Variants in HTT-AS observed in about 807,000 individuals in gnomAD.
The protein encoded by HTT-AS is HTT antisense RNA (head to head).
intron 1 of HTT-AS, among the ~76,000 whole-genome samples, chr4:3,069,438 G>A (rs76902612): frequency 0.093 from 14,064 of 151,872 alleles, 1,037 homozygotes; most frequent in African/African-American, 0.21. Flanking sequence ...TTACAGGTGT[G>A]AGCCATCGCG....
At chr4:3,072,781 C>A (rs539378701) in intron 1 of HTT-AS, among the ~76,000 whole-genome samples, 32 of 152,314 alleles carry the variant, frequency 2.1e-4, no homozygotes, top group Non-Finnish European at 4.4e-4. Flanking sequence ...GCATGCACCA[C>A]TACACCCGGC....
At chr4:3,052,485 T>C (rs1711722404) in intron 2 of HTT-AS, among the ~76,000 whole-genome samples, 1 of 152,162 alleles carries the variant, frequency 6.6e-6, no homozygotes, top group Non-Finnish European at 1.5e-5. Context: ...ACCCCAGAAA[T>C]TGGAAGTAGA....
intron 2 of HTT-AS, among the ~76,000 whole-genome samples, chr4:3,050,183 T>C (rs1412364991): frequency 2.0e-5 from 3 of 152,204 alleles, no homozygotes; most frequent in Non-Finnish European, 4.4e-5. Flanking sequence ...TTAATTAACA[T>C]TAGACTTCAG....
intron 2 of HTT-AS, among the ~76,000 whole-genome samples, chr4:3,056,806 G>A (rs1264735691): frequency 6.6e-6 from 1 of 151,952 alleles, no homozygotes; most frequent in Non-Finnish European, 1.5e-5. Context: ...TTAAGCATAG[G>A]GTTCAGAAAC....
chr4:3,074,373 G>A (rs577920273), intron 1 of HTT-AS: 2 of 127,678 alleles, frequency 1.6e-5, no homozygotes, highest in Non-Finnish European at 3.3e-5. Flanking sequence ...GTCCCGCCCC[G>A]TCCCTTCCTC....
chr4:3,052,247 A>C (rs1711717296), intron 2 of HTT-AS, among the ~76,000 whole-genome samples: 1 of 152,202 alleles, frequency 6.6e-6, no homozygotes, highest in Non-Finnish European at 1.5e-5. Flanking sequence ...CCTTTCTCAG[A>C]GCACCTGGGA....
At chr4:3,071,731 A>T (rs768079778) in intron 1 of HTT-AS, among the ~76,000 whole-genome samples, 1 of 152,138 alleles carries the variant, frequency 6.6e-6, no homozygotes, top group Non-Finnish European at 1.5e-5. Flanking sequence ...AAATGAGATC[A>T]TTAGGGTGGG....
intron 2 of HTT-AS, among the ~76,000 whole-genome samples, chr4:3,056,280 G>A (rs964795253): frequency 6.6e-6 from 1 of 152,252 alleles, no homozygotes; most frequent in Non-Finnish European, 1.5e-5. Flanking sequence ...AGCAGATTCA[G>A]AGAGACTCCA....
intron 2 of HTT-AS, among the ~76,000 whole-genome samples, chr4:3,052,620 T>A (rs991402721): frequency 1.3e-5 from 2 of 152,144 alleles, no homozygotes; most frequent in African/African-American, 2.4e-5. Context: ...GCAGGAAATA[T>A]ACTTTAGGGA....
At chr4:3,069,976 AC>A (rs1712133252) in intron 1 of HTT-AS, 1 of 150,666 alleles carries the variant, frequency 6.6e-6, no homozygotes, top group African/African-American at 2.4e-5. Context: ...CGTGCATCCC[AC>A]CTGGTCTCGG....
intron 1 of HTT-AS, among the ~76,000 whole-genome samples, chr4:3,073,929 G>T (rs933777308): frequency 1.3e-5 from 2 of 152,084 alleles, no homozygotes; most frequent in African/African-American, 2.4e-5. Context: ...CAGAGTCCAC[G>T]GCCGGCTGTC....
chr4:3,059,917 G>GTTTTTTTTTTTTTTTTTTTTTTTTTTTT, intron 2 of HTT-AS, among the ~76,000 whole-genome samples: 1 of 136,240 alleles, frequency 7.3e-6, no homozygotes. Flanking sequence ...TTGTCCCTGT[G>GTTTTTTTTTTTTTTTTTTTTTTTTTTTT]TTTTTTGTTT....
At chr4:3,052,347 A>T (rs1051344596) in intron 2 of HTT-AS, among the ~76,000 whole-genome samples, 6 of 152,194 alleles carry the variant, frequency 3.9e-5, no homozygotes, top group Admixed American at 3.3e-4. Context: ...CTTTTATTAA[A>T]GAGTGCAATG....
intron 1 of HTT-AS, among the ~76,000 whole-genome samples, chr4:3,064,096 G>GTTTTTT (rs368155721): frequency 7.4e-6 from 1 of 136,032 alleles, no homozygotes. Context: ...AAATAATAAA[G>GTTTTTT]TTTTTTTTTT....
intron 2 of HTT-AS, among the ~76,000 whole-genome samples, chr4:3,061,668 G>A (rs1711927700): frequency 7.9e-6 from 1 of 126,452 alleles, no homozygotes. Flanking sequence ...GGCAACAAGA[G>A]TGAAACTCCA....
downstream of HTT-AS, among the ~76,000 whole-genome samples, chr4:3,048,389 G>C (rs1353830514): frequency 4.6e-5 from 7 of 152,264 alleles, no homozygotes; most frequent in East Asian, 1.3e-3. Flanking sequence ...TTGTTCTAGA[G>C]ATGGCTGCAT....
intron 2 of HTT-AS, among the ~76,000 whole-genome samples, chr4:3,059,698 G>A (rs1711888954): frequency 6.6e-6 from 1 of 151,390 alleles, no homozygotes; most frequent in Non-Finnish European, 1.5e-5. Flanking sequence ...AGCCTCCTGA[G>A]TAGCTGGGAT....
chr4:3,067,078 C>T (rs1382598721), intron 1 of HTT-AS, among the ~76,000 whole-genome samples: 1 of 152,100 alleles, frequency 6.6e-6, no homozygotes, highest in Non-Finnish European at 1.5e-5. Context: ...AAATTACGGT[C>T]CCGAAAACTG....
intron 2 of HTT-AS, among the ~76,000 whole-genome samples, chr4:3,049,929 C>A (rs965194650): frequency 1.4e-5 from 2 of 146,254 alleles, no homozygotes; most frequent in African/African-American, 5.3e-5. Context: ...CACACACACA[C>A]ACACACACAC....
Sources: gnomAD v4.1 joint callset for allele counts (sites outside exome capture counted in the v4.1 genomes callset) on GRCh38, gnomAD v4.1.1 for gene constraint, MANE v1.5 for transcripts, NCBI Gene and HGNC (gene_info 2026-07-23, HGNC 2026-07-21) for gene names.